SYNE2: variants seen among roughly 807,000 people sequenced by gnomAD.
SYNE2 encodes the protein spectrin repeat containing nuclear envelope protein 2.
SYNE2 carries 431 observed loss-of-function variants against 856.3 expected under a neutral mutation model. That is an observed-to-expected ratio of 0.50 (90% CI 0.47 to 0.55). The LOEUF (loss-of-function observed/expected upper bound fraction) is 0.55, where lower values mean the gene tolerates loss of function less well. Ranked by LOEUF, SYNE2 falls within the 20% of genes least tolerant of loss-of-function variation. SYNE2 has a pLI of 0.00. For synonymous variants in SYNE2, 2,923 were observed against 2,872.3 expected, an observed-to-expected ratio of 1.02 and a Z score of -0.56; for missense variants, 8,129 against 8,023.2, an observed-to-expected ratio of 1.01 and a Z score of -0.50.
intron 45 of SYNE2, among the ~76,000 whole-genome samples, chr14:64,039,823 T>G (rs4566057): frequency 0.76 from 115,596 of 152,002 alleles, 45,953 homozygotes; most frequent in Non-Finnish European, 0.88. Context: ...TTAGAATTTA[T>G]AAGGGCTCAA....
chr14:64,162,374 A>G, intron 88 of SYNE2, 98 bp downstream of exon 88: 1 of 1,259,870 alleles, frequency 7.9e-7, no homozygotes, highest in Non-Finnish European at 1.1e-6. Context: ...CCACAGGGAC[A>G]GAGTAGTCAG....
intron 48 of SYNE2, 151 bp downstream of exon 48, chr14:64,053,808 A>G (rs1436671044): frequency 1.5e-6 from 1 of 682,848 alleles, no homozygotes; most frequent in Non-Finnish European, 2.4e-6. Flanking sequence ...TACTAAAAAT[A>G]CAAAAAAAAA....
At chr14:63,827,139 A>G (rs1889460745) in intron 1 of SYNE2, among the ~76,000 whole-genome samples, 1 of 151,926 alleles carries the variant, frequency 6.6e-6, no homozygotes, top group East Asian at 1.9e-4. Flanking sequence ...TTAGCTGGGC[A>G]TGGTGGCACA....
chr14:64,027,473 G>A lies in SYNE2; in HGVS notation c.6405-11G>A, dbSNP rs1367033388. ...TATCATTTAATTTATAAAATATTTT[G>A]TGAAATTTAGCCATCAAGAAAAGCT... is the stretch of plus-strand genomic sequence containing the variant. On this transcript the variant is annotated splice_polypyrimidine_tract_variant and intron_variant, in intron 42 of 115. Coordinates refer to ENST00000555002, the MANE Select transcript of SYNE2 (RefSeq NM_182914.3). 18 of 1,542,932 alleles carry A rather than the reference G, an allele frequency of 1.2e-5. No individual in the cohort carries two copies. Among genetic ancestry groups the A allele is most frequent in the Non-Finnish European group, 1.6e-5 (18 of 1,134,264 alleles).
chr14:64,105,192 AT>A (rs1035739497), intron 64 of SYNE2, among the ~76,000 whole-genome samples: 62 of 152,126 alleles, frequency 4.1e-4, no homozygotes, highest in African/African-American at 1.4e-3. Flanking sequence ...ACAGTCTCCA[AT>A]TGTTTTTCCT....
At position 63,949,921 on chromosome 14, in the gene SYNE2, G is replaced by T. The variant is rs747107337; in HGVS notation, c.505G>T (p.Ala169Ser). The T allele has an allele frequency of 6.2e-7, 1 of 1,614,032 alleles. No homozygotes were observed. The highest frequency in any genetic ancestry group is 1.3e-5 in the African/African-American group (1 of 74,904). Residue 169 changes from alanine (A) to serine (S), a missense_variant, in exon 7 of 116, where the codon GCT becomes TCT. Transcript: ENST00000555002. The part of the protein sequence containing the change: ...VDSSPASSPP[A>S]KKCSKVQARW... ...CTCATCTCCTGCCTCAAGTCCTCCA[G>T]CTAAGAAATGCTCTAAAGTGCAAGC...
chr14:64,023,109 T>G, intron 38 of SYNE2: 1 of 435,016 alleles, frequency 2.3e-6, no homozygotes, highest in Non-Finnish European at 4.2e-6. Flanking sequence ...ATACAAAAAT[T>G]AGCTGGGTGT....
chr14:64,130,697 C>G (rs1051252089), intron 76 of SYNE2, among the ~76,000 whole-genome samples: 3 of 151,906 alleles, frequency 2.0e-5, no homozygotes, highest in African/African-American at 7.3e-5. Flanking sequence ...CCAGCCTGGC[C>G]AACATGGTGA....
intron 28 of SYNE2, among the ~76,000 whole-genome samples, chr14:64,001,242 T>C (rs1410307436): frequency 2.6e-5 from 4 of 152,242 alleles, no homozygotes; most frequent in African/African-American, 7.2e-5. Context: ...TATGGAAATA[T>C]AACAAATTAT....
chr14:64,027,556 A>G lies in SYNE2; in HGVS notation c.6477A>G (p.Ile2159Met). 1 of 1,612,256 alleles carries G rather than the reference A, an allele frequency of 6.2e-7. No homozygotes were observed. The highest frequency in any genetic ancestry group is 8.5e-7 in the Non-Finnish European group (1 of 1,178,708). Residue 2159 changes from isoleucine to methionine, a missense_variant, in exon 43 of 116, where the codon ATA (isoleucine) becomes ATG (methionine). Physicochemically the swap from Ile to Met is conservative, Grantham distance 10. This residue lies in a region of SYNE2 where 297 missense variants were observed against 380.9 expected (regional missense o/e 0.78). Transcript: ENST00000555002. ...AGGAGGATCTGAGATTAATGCTCAT[A>G]GAACTAAAGAAGAAACAGGAAGCAG... is the stretch of plus-strand genomic sequence containing the variant. ...QSKEDLRLML[I>M]ELKKKQEAGF...
chr14:64,171,681 GTGAC>G (rs2098411574), intron 94 of SYNE2, among the ~76,000 whole-genome samples: 1 of 152,228 alleles, frequency 6.6e-6, no homozygotes, highest in Admixed American at 6.5e-5. Flanking sequence ...AAAGGCCAGT[GTGAC>G]TGGCGCAGAG....
At chr14:64,037,981 C>T (rs1447518546) in intron 45 of SYNE2, among the ~76,000 whole-genome samples, 4 of 151,802 alleles carry the variant, frequency 2.6e-5, no homozygotes, top group Non-Finnish European at 4.4e-5. Context: ...GGCTGCCGGG[C>T]GGAGACGCTC....
chr14:64,214,552 A>C, intron 106 of SYNE2, 82 bp downstream of exon 106: 2 of 1,381,492 alleles, frequency 1.4e-6, no homozygotes, highest in Non-Finnish European at 9.9e-7. Flanking sequence ...CCAGCTCTCA[A>C]TGACCAAGAG....
At chr14:63,776,600 CTTT>C (rs35847392) in intron 1 of SYNE2, among the ~76,000 whole-genome samples, 2 of 133,436 alleles carry the variant, frequency 1.5e-5, no homozygotes, top group Non-Finnish European at 1.6e-5. Context: ...TTCTTTCTTT[CTTT>C]TTTTTTTTTT....
chr14:64,189,964 A>ATTTTTT, intron 98 of SYNE2, 107 bp from the exon 99 acceptor site: 3 of 1,176,988 alleles, frequency 2.5e-6, no homozygotes, highest in South Asian at 1.5e-5. Flanking sequence ...TGCCTGGCCA[A>ATTTTTT]TTTTTTTTTT....
intron 90 of SYNE2, chr14:64,166,686 C>T (rs1445771846): frequency 5.5e-6 from 1 of 181,986 alleles, no homozygotes; most frequent in East Asian, 1.5e-4. Flanking sequence ...TGGCTCACGC[C>T]TGTAATCCCA....
chr14:64,126,237 A>G lies in SYNE2; in HGVS notation c.13555-90A>G, dbSNP rs528381398. On this transcript the variant is annotated intron_variant, in intron 71 of 115. Transcript: ENST00000555002. ...TTATTACAAAAGAAGCATAACATAA[A>G]TCATAAACTATAATGGAAACTAGGC... The G allele has an allele frequency of 1.3e-4, 148 of 1,165,154 alleles. 1 individual carries two copies. The African/African-American group carries it at 1.8e-3, about 14-fold the overall frequency. 72.2% of individuals were successfully genotyped at this position (1,165,154 alleles called of 1,614,324 possible).
At chr14:63,973,230 A>G (rs900072664) in intron 11 of SYNE2, among the ~76,000 whole-genome samples, 1 of 152,232 alleles carries the variant, frequency 6.6e-6, no homozygotes, top group Admixed American at 6.5e-5. Context: ...TGGGAGACAG[A>G]GTGAGACTCC....
At position 64,134,138 on chromosome 14, in the gene SYNE2, C is replaced by T. The variant is rs1385402072; in HGVS notation, c.14584C>T (p.Pro4862Ser). 2 of 1,613,514 alleles carry T rather than the reference C, an allele frequency of 1.2e-6. No homozygotes were observed. Among genetic ancestry groups the T allele is most frequent in the Non-Finnish European group, 1.7e-6 (2 of 1,179,484 alleles). The change falls in exon 78 of 116, where the codon CCC (proline) becomes TCC (serine). Residue 4862 changes from proline (P) to serine (S), a missense_variant. Physicochemically the swap from Pro to Ser is moderately conservative, Grantham distance 74. This residue lies in a region of SYNE2 where 5,410 missense variants were observed against 5,284.8 expected (regional missense o/e 1.02). Coordinates refer to ENST00000555002, the MANE Select transcript of SYNE2 (RefSeq NM_182914.3). ...CCTGGAAATTCTTATATCTACATTG[C>T]CCTCTGTGAGTTTGGTGGAAGAAAC... ...KDLEILISTL[P>S]SVSLVEETEE...
Sources: gnomAD v4.1 joint callset for allele counts (sites outside exome capture counted in the v4.1 genomes callset) on GRCh38, gnomAD v4.1.1 for gene constraint, gnomAD v4.1.1 regional missense constraint, MANE v1.5 for transcripts, NCBI Gene and HGNC (gene_info 2026-07-23, HGNC 2026-07-21) for gene names.